RANBP2: variants seen among roughly 807,000 people sequenced by gnomAD.
RANBP2 encodes the protein E3 SUMO-protein ligase RanBP2.
RANBP2 carries 57 observed loss-of-function variants against 303.6 expected under a neutral mutation model. The observed-to-expected ratio is 0.19, with a 90% CI of 0.15 to 0.23. RANBP2 has a LOEUF of 0.23. RANBP2 is among the 10% of genes least tolerant of loss of function. RANBP2 has a pLI of 1.00. For missense variants in RANBP2, 3,138 were observed against 3,780.8 expected, an observed-to-expected ratio of 0.83 and a Z score of 4.46; for synonymous variants, 1,167 against 1,301.5, an observed-to-expected ratio of 0.90 and a Z score of 2.23.
chr2:109,568,243 C>T, the RANBP2 span, among the ~76,000 whole-genome samples: 2 of 152,080 alleles, frequency 1.3e-5, no homozygotes, highest in Non-Finnish European at 2.9e-5. Context: ...AACCACAGGG[C>T]CTGTGACGCC....
chr2:109,385,263 T>A, the RANBP2 span, among the ~76,000 whole-genome samples: 1 of 152,184 alleles, frequency 6.6e-6, no homozygotes, highest in African/African-American at 2.4e-5. Flanking sequence ...GGAGACATAG[T>A]GAAGTGCACA....
chr2:109,482,922 T>G, the RANBP2 span, among the ~76,000 whole-genome samples: 3 of 152,268 alleles, frequency 2.0e-5, no homozygotes, highest in African/African-American at 7.2e-5. Context: ...CTTCTGTCTT[T>G]GGCAAGGGCA....
chr2:109,510,104 G>A, the RANBP2 span, among the ~76,000 whole-genome samples: 2 of 152,166 alleles, frequency 1.3e-5, no homozygotes, highest in Non-Finnish European at 1.5e-5. Flanking sequence ...CGGTTGGCGG[G>A]AACGGTGTGT....
chr2:109,377,005 T>G, the RANBP2 span, among the ~76,000 whole-genome samples: 1 of 152,250 alleles, frequency 6.6e-6, no homozygotes, highest in Non-Finnish European at 1.5e-5. Flanking sequence ...ACAGGTCTGC[T>G]TAGGAAGGAA....
the RANBP2 span, among the ~76,000 whole-genome samples, chr2:108,993,596 T>C: frequency 1.3e-5 from 2 of 152,250 alleles, no homozygotes; most frequent in South Asian, 4.1e-4. Flanking sequence ...TGTGAACCAT[T>C]GTCAAGCTTG....
the RANBP2 span, among the ~76,000 whole-genome samples, chr2:109,435,322 G>C: frequency 6.6e-6 from 1 of 152,172 alleles, no homozygotes; most frequent in Non-Finnish European, 1.5e-5. Context: ...GTGCCCCCAG[G>C]ACTTATACTT....
chr2:108,853,863 A>AT, the RANBP2 span, among the ~76,000 whole-genome samples: 1 of 128,364 alleles, frequency 7.8e-6, no homozygotes, highest in East Asian at 2.0e-4. Context: ...TATATATATA[A>AT]TATATATACT....
chr2:109,585,802 G>A, the RANBP2 span: 1 of 1,613,774 alleles, frequency 6.2e-7, no homozygotes, highest in African/African-American at 1.3e-5. Context: ...AAACCAACAT[G>A]GCCAGACATA....
chr2:108,931,270 C>G, the RANBP2 span, among the ~76,000 whole-genome samples: 1 of 152,236 alleles, frequency 6.6e-6, no homozygotes, highest in African/African-American at 2.4e-5. Flanking sequence ...AGGCTAGGAG[C>G]ACACGGAGGG....
the RANBP2 span, chr2:109,564,467 GT>G: frequency 6.3e-7 from 1 of 1,590,180 alleles, no homozygotes; most frequent in Non-Finnish European, 8.6e-7. Context: ...GCTCTCGCAG[GT>G]CCTCCATATT....
chr2:109,703,334 C>T, the RANBP2 span, among the ~76,000 whole-genome samples: 1 of 152,240 alleles, frequency 6.6e-6, no homozygotes, highest in Non-Finnish European at 1.5e-5. Context: ...TCGAATAGCA[C>T]TGTGTCTTTG....
chr2:109,055,366 C>CTTTTTTTTTTTTTT, the RANBP2 span, among the ~76,000 whole-genome samples: 1 of 133,460 alleles, frequency 7.5e-6, no homozygotes, highest in African/African-American at 2.8e-5. Context: ...TTTTTCTTTT[C>CTTTTTTTTTTTTTT]TTTTTTTTTT....
chr2:109,468,123 G>A, the RANBP2 span, among the ~76,000 whole-genome samples: 8 of 152,196 alleles, frequency 5.3e-5, no homozygotes, highest in Non-Finnish European at 1.0e-4. Flanking sequence ...TCTGAAAAAC[G>A]CGTCGTTTGG....
the RANBP2 span, among the ~76,000 whole-genome samples, chr2:109,241,266 C>CAACAAA: frequency 4.0e-5 from 6 of 151,876 alleles, no homozygotes; most frequent in East Asian, 7.8e-4. Context: ...ATAACAACAA[C>CAACAAA]AACAGAAAAG....
rs764080872 is a variant in RANBP2 at position 108,764,028 on chromosome 2, G to GGAT, written c.3501_3503dup (p.Asp1168dup). On this transcript the variant is annotated inframe_insertion, in exon 20 of 29. Coordinates refer to ENST00000283195, the MANE Select transcript of RANBP2 (RefSeq NM_006267.5). ...AGACAGATGGAGGAAGTGCCCATGG[G>GGAT]GATGATGATGATGACGGTCCTCACT... is the stretch of plus-strand genomic sequence containing the variant. 2.5e-6 allele frequency: 4 copies of GGAT among 1,613,904 alleles called. No homozygotes were observed. The highest frequency in any genetic ancestry group is 1.3e-5 in the African/African-American group (1 of 74,992).
At chr2:109,575,205 G>A in the RANBP2 span, among the ~76,000 whole-genome samples, 1 of 152,108 alleles carries the variant, frequency 6.6e-6, no homozygotes, top group Non-Finnish European at 1.5e-5. Flanking sequence ...TCCCACACTT[G>A]CCAGACTGCT....
the RANBP2 span, among the ~76,000 whole-genome samples, chr2:109,658,170 CG>C: frequency 6.7e-6 from 1 of 150,374 alleles, no homozygotes; most frequent in Non-Finnish European, 1.5e-5. Flanking sequence ...ATAAATCAGC[CG>C]GGGCGGTGGC....
chr2:109,614,404 G>A, the RANBP2 span: 1 of 1,035,414 alleles, frequency 9.7e-7, no homozygotes, highest in Non-Finnish European at 1.2e-6. Context: ...GCCAGACTCC[G>A]CCGCCGTCGG....
At chr2:109,422,089 G>A in the RANBP2 span, among the ~76,000 whole-genome samples, 4 of 152,192 alleles carry the variant, frequency 2.6e-5, no homozygotes, top group East Asian at 1.9e-4. Context: ...GCAAGTACCC[G>A]GGGTGGGGGT....
Sources: gnomAD v4.1 joint callset for allele counts (sites outside exome capture counted in the v4.1 genomes callset) on GRCh38, gnomAD v4.1.1 for gene constraint, MANE v1.5 for transcripts, NCBI Gene and HGNC (gene_info 2026-07-23, HGNC 2026-07-21) for gene names.